Variants in CRACD observed in about 807,000 individuals in gnomAD.
The protein encoded by CRACD is capping protein inhibiting regulator of actin dynamics.
Under a neutral mutation model 106.8 loss-of-function variants are expected in CRACD, and 56 were observed. The ratio of observed to expected loss-of-function variants is 0.52; its 90% CI spans 0.42 to 0.66. The LOEUF (loss-of-function observed/expected upper bound fraction) is 0.66. Ranked by LOEUF, CRACD falls within the 30% of genes least tolerant of loss-of-function variation. CRACD has a pLI of 0.00. For synonymous variants in CRACD, 754 were observed against 670.8 expected (o/e 1.12, Z -1.92); for missense variants, 1,730 against 1,623.2 (o/e 1.07, Z -1.13).
intron 2 of CRACD, among the ~76,000 whole-genome samples, chr4:56,260,919 ATCCG>A (rs1297264049): frequency 5.3e-5 from 8 of 149,588 alleles, no homozygotes; most frequent in African/African-American, 1.8e-4. Context: ...CCATCCATCC[ATCCG>A]TCCATCCATC....
chr4:56,117,017 ATTTTTTTT>A (rs751420774), intron 1 of CRACD, among the ~76,000 whole-genome samples: 3 of 96,256 alleles, frequency 3.1e-5, no homozygotes, highest in East Asian at 2.9e-4. Context: ...CGAATTTTTA[ATTTTTTTT>A]TTTTTTTTTT....
At position 56,192,593 on chromosome 4, in the gene CRACD, A is replaced by G. The variant is rs1374444893; in HGVS notation, c.-189+13163A>G. Among the ~76,000 whole-genome samples, 3 of 152,164 alleles carry G rather than the reference A, an allele frequency of 2.0e-5. No individual in the cohort carries two copies. The East Asian group carries it at 5.8e-4, about 29-fold the overall frequency. ...CAGTAGAGAAATGAAATGAGTTGAA[A>G]AGAACTCAGACCAAGAGATAGAAAA... On this transcript the variant is annotated intron_variant, in intron 2 of 10. Transcript: ENST00000682029.
chr4:56,208,412 A>G (rs1426972763), intron 2 of CRACD, among the ~76,000 whole-genome samples: 1 of 152,196 alleles, frequency 6.6e-6, no homozygotes, highest in African/African-American at 2.4e-5. Flanking sequence ...TGGACCATAA[A>G]AAGCTTTCTT....
intron 2 of CRACD, among the ~76,000 whole-genome samples, chr4:56,254,879 C>T (rs973526414): frequency 5.1e-5 from 6 of 118,386 alleles, no homozygotes; most frequent in East Asian, 2.9e-4. Context: ...CTGAGGTGGG[C>T]GGATCATGAG....
chr4:56,210,888 T>C (rs1228026729), intron 2 of CRACD, among the ~76,000 whole-genome samples: 1 of 152,162 alleles, frequency 6.6e-6, no homozygotes, highest in African/African-American at 2.4e-5. Context: ...GGTCTCTGCA[T>C]GTATAGATCT....
At chr4:56,061,479 A>G (rs1370900603) in intron 1 of CRACD, among the ~76,000 whole-genome samples, 1 of 151,616 alleles carries the variant, frequency 6.6e-6, no homozygotes, top group Non-Finnish European at 1.5e-5. Flanking sequence ...TGGCCCAAAT[A>G]TCTCATGTAT....
At chr4:56,188,686 T>TCTCTCACA (rs1553908658) in intron 2 of CRACD, among the ~76,000 whole-genome samples, 13 of 92,126 alleles carry the variant, frequency 1.4e-4, no homozygotes, top group East Asian at 3.2e-4. Flanking sequence ...TCTCTCTCTC[T>TCTCTCACA]CACACACACA....
Position 56,274,315 on chromosome 4 carries a change from TAAGTGGCAGTTTAATAC to T in CRACD, c.-17+1826_-17+1842del, listed in dbSNP as rs576932174. Among the ~76,000 whole-genome samples the T allele has an allele frequency of 1.4e-3, 216 of 152,266 alleles. 1 individual carries two copies. The highest frequency in any genetic ancestry group is 4.7e-3 in the African/African-American group (196 of 41,546). On this transcript the variant is annotated intron_variant, in intron 3 of 10. Transcript: ENST00000682029. ...TGAGGAACAGATAGTAAAATGAGAG[TAAGTGGCAGTTTAATAC>T]AAAATGAGGTCAAGTCTGGAAAGTT...
intron 1 of CRACD, among the ~76,000 whole-genome samples, chr4:56,075,241 G>T (rs564106247): frequency 6.6e-6 from 1 of 152,238 alleles, no homozygotes; most frequent in Non-Finnish European, 1.5e-5. Flanking sequence ...CTATTGTTTG[G>T]AATAGTTTTA....
At chr4:56,166,731 G>A (rs139449182) in intron 1 of CRACD, among the ~76,000 whole-genome samples, 208 of 147,354 alleles carry the variant, frequency 1.4e-3, no homozygotes, top group African/African-American at 5.1e-3. Flanking sequence ...TGCAATGATA[G>A]TAGCAGCAAG....
chr4:56,185,130 T>C (rs1051219000), intron 2 of CRACD, among the ~76,000 whole-genome samples: 2 of 152,110 alleles, frequency 1.3e-5, no homozygotes, highest in East Asian at 3.9e-4. Flanking sequence ...CTAATTTTTT[T>C]ATATTTTTAG....
intron 2 of CRACD, among the ~76,000 whole-genome samples, chr4:56,229,774 A>C (rs1441421710): frequency 6.6e-6 from 1 of 152,120 alleles, no homozygotes; most frequent in African/African-American, 2.4e-5. Context: ...CCTTTTTGCA[A>C]ACTCAGCCAG....
chr4:56,294,093 G>A lies in CRACD; in HGVS notation c.-16-4121G>A, dbSNP rs187043179. 1.0e-3 allele frequency among the ~76,000 whole-genome samples: 158 copies of A among 152,122 alleles called. 1 individual carries two copies. The highest frequency in any genetic ancestry group is 3.1e-3 in the South Asian group (15 of 4,814). Reference sequence around the variant, plus strand: ...ATTTTAAAAGTAGCCAGGTATGCTGGCATGAGCCTGTAGTCCCAGCTACTT... The same window carrying A: ...ATTTTAAAAGTAGCCAGGTATGCTGACATGAGCCTGTAGTCCCAGCTACTT... On this transcript the variant is annotated intron_variant, in intron 3 of 10. Coordinates refer to ENST00000682029, the MANE Select transcript of CRACD (RefSeq NM_001393381.1).
rs527665539 is a variant in CRACD, at chr4:56,261,358, C to CTTTT, written c.-188-10961_-188-10960insTTTT. On this transcript the variant is annotated intron_variant, in intron 2 of 10. Coordinates refer to ENST00000682029, the MANE Select transcript of CRACD (RefSeq NM_001393381.1). Reference sequence around the variant, plus strand: ...TCCGCCTCTGTTACTGCTTCTTCTTCTTCTTTTTTTTTTTTTTGAGACAGA... The same window carrying CTTTT: ...TCCGCCTCTGTTACTGCTTCTTCTTCTTTTTTCTTTTTTTTTTTTTTGAGACAGA... 2.1e-4 allele frequency among the ~76,000 whole-genome samples: 24 copies of CTTTT among 112,742 alleles called. 3 individuals are homozygous for CTTTT. Among genetic ancestry groups the CTTTT allele is most frequent in the African/African-American group, 2.5e-4 (7 of 28,510 alleles). The allele number at this position is 112,742 out of a possible 152,430, so 74.0% of individuals were successfully genotyped here.
rs898638613 is a variant in CRACD, at chr4:56,157,780, C to T, written c.-335-21504C>T. Among the ~76,000 whole-genome samples the T allele has an allele frequency of 7.2e-5, 11 of 152,274 alleles. No homozygotes were observed. In the East Asian group the frequency reaches 2.1e-3, roughly 29 times the overall value. Reference sequence around the variant, plus strand: ...AGAACTTCCTTTTAAAATTCAGGGCCAGGATAACTTTGCCTTCCTGAGGCA... The same window carrying T: ...AGAACTTCCTTTTAAAATTCAGGGCTAGGATAACTTTGCCTTCCTGAGGCA... On this transcript the variant is annotated intron_variant, in intron 1 of 10. Coordinates refer to ENST00000682029, the MANE Select transcript of CRACD (RefSeq NM_001393381.1).
chr4:56,078,843 C>G (rs929837124), intron 1 of CRACD, among the ~76,000 whole-genome samples: 1 of 152,186 alleles, frequency 6.6e-6, no homozygotes, highest in East Asian at 1.9e-4. Context: ...TAAAGGGTGT[C>G]TCTTAGCCTG....
At chr4:56,075,446 T>C (rs1023779241) in intron 1 of CRACD, among the ~76,000 whole-genome samples, 18 of 152,234 alleles carry the variant, frequency 1.2e-4, no homozygotes, top group African/African-American at 4.3e-4. Context: ...ATTTATCCAT[T>C]TCTTCTAGAT....
rs779019969 is a variant in CRACD at position 56,314,126 on chromosome 4, C to G, written c.624C>G (p.His208Gln). The G allele has an allele frequency of 6.2e-7, 1 of 1,614,090 alleles. No homozygotes were observed. The highest frequency in any genetic ancestry group is 8.5e-7 in the Non-Finnish European group (1 of 1,180,032). ...CAGGCGAGGACAAGCCAACGTGGCACGAAGAGGAACCCAATCCGCTGGATT... is the reference window on the plus strand; with the variant it reads ...CAGGCGAGGACAAGCCAACGTGGCAGGAAGAGGAACCCAATCCGCTGGATT... The part of the protein sequence containing the change: ...GHPGEDKPTW[H>Q]EEEPNPLDSE... The change falls in exon 8 of 11, where the codon CAC becomes CAG. Residue 208 changes from histidine (H) to glutamine (Q), a missense_variant. Coordinates refer to ENST00000682029, the MANE Select transcript of CRACD (RefSeq NM_001393381.1). The surrounding 1 kb of genome is among the most constrained non-coding windows in gnomAD (Gnocchi z 4.4).
chr4:56,188,711 C>CACACACACACAGAGAGAG (rs1446016845), intron 2 of CRACD, among the ~76,000 whole-genome samples: 1 of 113,174 alleles, frequency 8.8e-6, no homozygotes, highest in African/African-American at 3.9e-5. Context: ...CACACACACA[C>CACACACACACAGAGAGAG]AGAGAGAGAG....
Sources: allele counts gnomAD v4.1 joint callset (sites outside exome capture counted in the v4.1 genomes callset), GRCh38; gene constraint gnomAD v4.1.1; non-coding constraint Gnocchi (gnomAD v3.1); transcripts MANE v1.5; gene names NCBI Gene and HGNC (gene_info 2026-07-23, HGNC 2026-07-21).